Variants in SPAG16 observed in about 807,000 individuals in gnomAD.
SPAG16 encodes sperm-associated antigen 16 protein.
SPAG16 carries 86 observed loss-of-function variants against 80.4 expected under a neutral mutation model. The observed-to-expected ratio is 1.07, with a 90% CI of 0.90 to 1.28. SPAG16 has a LOEUF of 1.28. Ranked by LOEUF, SPAG16 falls within the 50% of genes most tolerant of loss-of-function variation. The pLI, the probability that SPAG16 is intolerant of heterozygous loss-of-function variation, is 0.00. For missense variants in SPAG16, 870 were observed against 765.3 expected, an observed-to-expected ratio of 1.14 and a Z score of -1.61; for synonymous variants, 294 against 265.9, an observed-to-expected ratio of 1.11 and a Z score of -1.03.
intron 3 of SPAG16, among the ~76,000 whole-genome samples, chr2:213,304,330 C>T (rs1248781162): frequency 6.6e-6 from 1 of 151,902 alleles, no homozygotes; most frequent in Admixed American, 6.6e-5. Context: ...ATGGGTAGTC[C>T]CTTCACATTA....
chr2:213,938,121 T>A (rs979469004), intron 12 of SPAG16, among the ~76,000 whole-genome samples: 5 of 151,652 alleles, frequency 3.3e-5, no homozygotes, highest in Admixed American at 6.6e-5. Flanking sequence ...ATATATATAT[T>A]TTATAACATG....
intron 10 of SPAG16, among the ~76,000 whole-genome samples, chr2:213,698,399 C>T (rs945259331): frequency 1.3e-5 from 2 of 152,032 alleles, no homozygotes; most frequent in Non-Finnish European, 2.9e-5. Context: ...GTAGCTGGGA[C>T]TATAGGTGCA....
Position 214,290,341 on chromosome 2 carries a change from T to G in SPAG16, c.1721-119799T>G, listed in dbSNP as rs539444266. On this transcript the variant is annotated intron_variant, in intron 15 of 15. Transcript: ENST00000331683. ...ATTGGCCTGTAATTTTGTTTTGTTTTGTTGAATGTGTTTTTTTGAATCTCT... is the reference window on the plus strand; with the variant it reads ...ATTGGCCTGTAATTTTGTTTTGTTTGGTTGAATGTGTTTTTTTGAATCTCT... Among the ~76,000 whole-genome samples the G allele has an allele frequency of 4.6e-5, 7 of 152,208 alleles. No homozygotes were observed. The East Asian group carries it at 1.2e-3, about 25-fold the overall frequency.
intron 9 of SPAG16, among the ~76,000 whole-genome samples, chr2:213,410,981 C>T (rs563175619): frequency 6.6e-6 from 1 of 152,290 alleles, no homozygotes; most frequent in South Asian, 2.1e-4. Flanking sequence ...AGGGAGGAAA[C>T]CTAGTGTTCC....
intron 15 of SPAG16, among the ~76,000 whole-genome samples, chr2:214,191,331 G>T (rs958501605): frequency 6.6e-6 from 1 of 152,056 alleles, no homozygotes; most frequent in Non-Finnish European, 1.5e-5. Context: ...CCCTTCGTTG[G>T]TATACCAACT....
Position 214,107,836 on chromosome 2 carries a change from G to A in SPAG16, c.1528-360G>A, listed in dbSNP as rs73076854. Among the ~76,000 whole-genome samples, 855 of 152,252 alleles carry A rather than the reference G, an allele frequency of 5.6e-3. 7 individuals are homozygous for A. Among genetic ancestry groups the A allele is most frequent in the African/African-American group, 0.02 (833 of 41,548 alleles). On this transcript the variant is annotated intron_variant, in intron 13 of 15. Transcript: ENST00000331683. ...TACCCCCAGCAGCAGTAGATATGCT[G>A]TGCTGAAAATAACAGCTTTCTAATA...
chr2:213,287,303 A>T (rs183734473), intron 1 of SPAG16, among the ~76,000 whole-genome samples: 52 of 152,320 alleles, frequency 3.4e-4, no homozygotes, highest in African/African-American at 1.2e-3. Context: ...TTAGAAATCA[A>T]CACAACTTGG....
At chr2:214,198,703 T>C (rs140890160) in intron 15 of SPAG16, among the ~76,000 whole-genome samples, 2 of 152,286 alleles carry the variant, frequency 1.3e-5, no homozygotes, top group African/African-American at 4.8e-5. Flanking sequence ...TTAACTAGTT[T>C]ACATTCCCAC....
At chr2:214,046,298 C>T (rs1357817243) in intron 13 of SPAG16, among the ~76,000 whole-genome samples, 2 of 152,218 alleles carry the variant, frequency 1.3e-5, no homozygotes, top group African/African-American at 4.8e-5. Context: ...CCAAATCTTA[C>T]TCAAACTATT....
intron 15 of SPAG16, among the ~76,000 whole-genome samples, chr2:214,205,155 T>C (rs1318056792): frequency 1.3e-5 from 2 of 151,394 alleles, no homozygotes; most frequent in East Asian, 3.9e-4. Flanking sequence ...ACCTGGGAGG[T>C]GGAGGTTGCA....
intron 13 of SPAG16, among the ~76,000 whole-genome samples, chr2:214,047,889 G>T (rs1364579073): frequency 6.6e-6 from 1 of 152,086 alleles, no homozygotes; most frequent in Non-Finnish European, 1.5e-5. Flanking sequence ...TACCTGAATA[G>T]ACATTTCTCA....
chr2:213,333,126 C>CA (rs1186783810), intron 5 of SPAG16, among the ~76,000 whole-genome samples: 2 of 151,766 alleles, frequency 1.3e-5, no homozygotes, highest in Non-Finnish European at 1.5e-5. Flanking sequence ...AAGTATCCAC[C>CA]AAAAAAATGA....
intron 8 of SPAG16, among the ~76,000 whole-genome samples, chr2:213,372,966 G>A (rs992324317): frequency 6.6e-6 from 1 of 152,162 alleles, no homozygotes; most frequent in Non-Finnish European, 1.5e-5. Context: ...TTTAGCACTG[G>A]AAGGTACAAT....
chr2:214,096,318 T>C (rs1211940212), intron 13 of SPAG16, among the ~76,000 whole-genome samples: 2 of 151,964 alleles, frequency 1.3e-5, no homozygotes, highest in Non-Finnish European at 2.9e-5. Flanking sequence ...GAAAATGTAA[T>C]TCTGCCAAGT....
chr2:213,898,829 T>G (rs1227307481), intron 11 of SPAG16, among the ~76,000 whole-genome samples: 1 of 152,140 alleles, frequency 6.6e-6, no homozygotes, highest in Non-Finnish European at 1.5e-5. Flanking sequence ...TTACTTGTCC[T>G]GAAATAAACT....
intron 10 of SPAG16, among the ~76,000 whole-genome samples, chr2:213,839,717 C>T (rs890049148): frequency 6.6e-5 from 10 of 152,202 alleles, no homozygotes; most frequent in Non-Finnish European, 1.0e-4. Context: ...TTGACATGTA[C>T]AGTATGCAGC....
chr2:213,711,962 T>G (rs2066012269), intron 10 of SPAG16, among the ~76,000 whole-genome samples: 1 of 152,166 alleles, frequency 6.6e-6, no homozygotes, highest in African/African-American at 2.4e-5. Context: ...TATTTATACA[T>G]ATATATAATG....
At position 213,725,442 on chromosome 2, in the gene SPAG16, T is replaced by C. The variant is rs549043021; in HGVS notation, c.1071-137043T>C. On this transcript the variant is annotated intron_variant, in intron 10 of 15. Transcript: ENST00000331683. ...TAAATTCATCATCATGGAATGCCCA[T>C]CCATCCTCATTTCTGTTCTGTCTAG... 1.6e-4 allele frequency among the ~76,000 whole-genome samples: 25 copies of C among 152,330 alleles called. No homozygotes were observed. The South Asian group carries it at 4.8e-3, about 29-fold the overall frequency.
intron 9 of SPAG16, among the ~76,000 whole-genome samples, chr2:213,389,213 A>G (rs182765785): frequency 6.6e-6 from 1 of 152,292 alleles, no homozygotes; most frequent in Non-Finnish European, 1.5e-5. Flanking sequence ...GGGTATCTAC[A>G]TGCAAAATAA....
Sources: gnomAD v4.1 joint callset for allele counts (sites outside exome capture counted in the v4.1 genomes callset) on GRCh38, gnomAD v4.1.1 for gene constraint, MANE v1.5 for transcripts, NCBI Gene and HGNC (gene_info 2026-07-23, HGNC 2026-07-21) for gene names.